RUBCN: variants seen among roughly 807,000 people sequenced by gnomAD.
RUBCN encodes run domain Beclin-1-interacting and cysteine-rich domain-containing protein.
A neutral mutation model predicts 113.2 loss-of-function variants in RUBCN; 74 were observed. The observed-to-expected ratio is 0.65, with a 90% confidence interval of 0.54 to 0.79. RUBCN has a LOEUF of 0.79. RUBCN is among the 30% of genes least tolerant of loss of function. The probability of loss-of-function intolerance (pLI) is 0.00; values close to 1 mark genes in which losing one functional copy is unlikely to be tolerated. For synonymous variants in RUBCN, 480 were observed against 490.0 expected (o/e 0.98, Z 0.27); for missense variants, 1,109 against 1,251.7 (o/e 0.89, Z 1.72).
chr3:197,734,856 C>T (rs905206578), intron 1 of RUBCN, among the ~76,000 whole-genome samples: 1 of 152,216 alleles, frequency 6.6e-6, no homozygotes, highest in African/African-American at 2.4e-5. Flanking sequence ...TGTTCAGTTT[C>T]ACTTAGCACA....
In RUBCN at chr3:197,671,573, A is replaced by G. The variant is rs572913137; in HGVS notation, c.*3445T>C. 5 of 152,342 alleles carry G rather than the reference A, an allele frequency of 3.3e-5. No individual in the cohort carries two copies. In the East Asian group the frequency reaches 9.6e-4, roughly 29 times the overall value. The allele number at this position is 152,342 out of a possible 1,614,324, so 9.4% of individuals were successfully genotyped here. A position where few individuals can be genotyped will look rare whatever the true frequency, so the allele number is the denominator to read the frequency against. On this transcript the variant is annotated 3_prime_UTR_variant, in exon 20 of 20. Coordinates refer to ENST00000296343, the MANE Select transcript of RUBCN (RefSeq NM_014687.4). Reference sequence around the variant, plus strand: ...GACTAATGGTTAGGTTTTTGGAAATACGGAATTTATGCTGGTTTTAGACAC... The same window carrying G: ...GACTAATGGTTAGGTTTTTGGAAATGCGGAATTTATGCTGGTTTTAGACAC...
At chr3:197,695,682 C>T (rs1722923128) in intron 9 of RUBCN, among the ~76,000 whole-genome samples, 184 bp downstream of exon 9, 1 of 152,202 alleles carries the variant, frequency 6.6e-6, no homozygotes, top group Non-Finnish European at 1.5e-5. Flanking sequence ...ATAATTTGGA[C>T]TCAGTGAGGG....
upstream of RUBCN, among the ~76,000 whole-genome samples, chr3:197,740,496 T>C (rs909657722): frequency 1.3e-5 from 2 of 152,048 alleles, no homozygotes; most frequent in Non-Finnish European, 2.9e-5. Context: ...AAAAGAAATT[T>C]TGTAGTATAA....
chr3:197,730,527 C>T (rs1490531586), intron 1 of RUBCN, among the ~76,000 whole-genome samples: 1 of 151,694 alleles, frequency 6.6e-6, no homozygotes, highest in Non-Finnish European at 1.5e-5. Flanking sequence ...TTAATTTGAA[C>T]ACCCATATTT....
At chr3:197,695,608 A>G (rs747662837) in intron 9 of RUBCN, among the ~76,000 whole-genome samples, 19 of 152,184 alleles carry the variant, frequency 1.2e-4, no homozygotes, top group Non-Finnish European at 1.5e-5. Flanking sequence ...TCTCAAAAAA[A>G]CAAAAACACA....
intron 17 of RUBCN, 24 bp from the exon 18 acceptor site, chr3:197,677,062 G>C (rs748449731): frequency 7.5e-6 from 12 of 1,609,088 alleles, no homozygotes; most frequent in Non-Finnish European, 1.0e-5. Context: ...CAGGAGGCAG[G>C]TGAGGGAATG....
chr3:197,735,327 A>C (rs1727995381), intron 1 of RUBCN, among the ~76,000 whole-genome samples: 1 of 152,224 alleles, frequency 6.6e-6, no homozygotes, highest in African/African-American at 2.4e-5. Context: ...TGAGCCCAAG[A>C]GTTGGAGGCT....
upstream of RUBCN, chr3:197,736,948 C>G (rs1356195068): frequency 1.5e-6 from 2 of 1,318,302 alleles, no homozygotes; most frequent in South Asian, 2.0e-5. Context: ...GCGAGCACTC[C>G]GAGGCTAGGC....
chr3:197,736,937 G>A (rs899039870), upstream of RUBCN: 2 of 1,340,210 alleles, frequency 1.5e-6, no homozygotes, highest in Non-Finnish European at 1.9e-6. Context: ...TACAGCCCCC[G>A]GCGAGCACTC....
rs559163200 is a variant in RUBCN at position 197,703,762 on chromosome 3, G to A, written c.464-108C>T. 4.4e-5 allele frequency: 32 copies of A among 735,012 alleles called. No individual in the cohort carries two copies. In the South Asian group the frequency reaches 4.4e-4, roughly 10 times the overall value. The allele number at this position is 735,012 out of a possible 1,614,324, so 45.5% of individuals were successfully genotyped here. On this transcript the variant is annotated intron_variant, in intron 4 of 19. Coordinates refer to ENST00000296343, the MANE Select transcript of RUBCN (RefSeq NM_014687.4). ...AAGGATGAATGAGGAGGAGGGTGAA[G>A]GCAGATCAGAAACAAAGTAGAGGAG...
Position 197,674,501 on chromosome 3 carries a change from G to A in RUBCN, c.*517C>T, listed in dbSNP as rs182056447. 84 of 499,962 alleles carry A rather than the reference G, an allele frequency of 1.7e-4. No individual in the cohort carries two copies. In the East Asian group the frequency reaches 2.7e-3, roughly 16 times the overall value. 31.0% of individuals were successfully genotyped at this position (499,962 alleles called of 1,614,324 possible). On this transcript the variant is annotated 3_prime_UTR_variant, in exon 20 of 20. Coordinates refer to ENST00000296343, the MANE Select transcript of RUBCN (RefSeq NM_014687.4). ...AATAAGTGGACGAAATGCCCATGAC[G>A]TAGTCCTATTCTCTGCTGCTTCTCC...
rs549857854 is a variant in RUBCN at position 197,731,854 on chromosome 3, C to T, written c.65+4801G>A. 3.3e-5 allele frequency among the ~76,000 whole-genome samples: 5 copies of T among 152,386 alleles called. No individual in the cohort carries two copies. The East Asian group carries it at 7.7e-4, about 24-fold the overall frequency. ...CGGCTGGCCGGGCAGAGTGGCTCCTCACTTCCCAGTCACCCTAGATTTTTT... is the reference window on the plus strand; with the variant it reads ...CGGCTGGCCGGGCAGAGTGGCTCCTTACTTCCCAGTCACCCTAGATTTTTT... On this transcript the variant is annotated intron_variant, in intron 1 of 19. Coordinates refer to ENST00000296343, the MANE Select transcript of RUBCN (RefSeq NM_014687.4).
chr3:197,713,934 G>T (rs142679505), intron 2 of RUBCN, among the ~76,000 whole-genome samples: 1,673 of 151,984 alleles, frequency 0.011, 19 homozygotes, highest in African/African-American at 0.039. Context: ...AAAATTAGCC[G>T]GGCGTGGTGG....
chr3:197,701,031 A>T lies in RUBCN; in HGVS notation c.843T>A (p.Ser281=), dbSNP rs61743909. The T allele has an allele frequency of 2.4e-4, 392 of 1,614,134 alleles. No homozygotes were observed. The African/African-American group carries it at 4.3e-3, about 18-fold the overall frequency. The change falls in exon 7 of 20, where the codon TCT becomes TCA. Residue 281 remains serine (S), a synonymous_variant. Coordinates refer to ENST00000296343, the MANE Select transcript of RUBCN (RefSeq NM_014687.4). ...QTIQAPPVSV[S]ALARDSPLTP... is the part of the protein sequence containing the mutation. ...TCAAAGGGGAATCCCTGGCTAGTGC[A>T]GAGACTGAAACTGGGGGGGCTTGGA...
intron 10 of RUBCN, 170 bp downstream of exon 10, chr3:197,694,205 T>C: frequency 6.6e-6 from 5 of 755,430 alleles, no homozygotes; most frequent in Non-Finnish European, 9.4e-6. Flanking sequence ...AGGCAGGTAT[T>C]TCTGATGCAG....
chr3:197,697,902 T>G (rs936604489), intron 7 of RUBCN, among the ~76,000 whole-genome samples: 1 of 152,238 alleles, frequency 6.6e-6, no homozygotes, highest in Non-Finnish European at 1.5e-5. Context: ...AATGCTACTC[T>G]GTGCAAGAGA....
rs1720153257 is a variant in RUBCN, at chr3:197,674,846, A to T, written c.*172T>A. The T allele has an allele frequency of 3.4e-5, 20 of 586,870 alleles. No individual in the cohort carries two copies. In the South Asian group the frequency reaches 5.0e-4, roughly 15 times the overall value. 36.4% of individuals were successfully genotyped at this position (586,870 alleles called of 1,614,324 possible). A position where few individuals can be genotyped will look rare whatever the true frequency, so the allele number is the denominator to read the frequency against. On this transcript the variant is annotated 3_prime_UTR_variant, in exon 20 of 20. Transcript: ENST00000296343. ...AGACTCTGGACCCATCAACCTGCCG[A>T]CGGCTGACTGCACACAGACGTCAGA...
intron 16 of RUBCN, among the ~76,000 whole-genome samples, chr3:197,679,621 C>A (rs1301936663): frequency 6.8e-6 from 1 of 147,686 alleles, no homozygotes; most frequent in Non-Finnish European, 1.5e-5. Context: ...CAACTGGCTT[C>A]AGACTGTCCT....
Position 197,670,556 on chromosome 3 carries a change from G to A in RUBCN, c.*4462C>T, listed in dbSNP as rs1488422231. On this transcript the variant is annotated 3_prime_UTR_variant, in exon 20 of 20. Coordinates refer to ENST00000296343, the MANE Select transcript of RUBCN (RefSeq NM_014687.4). The stretch of plus-strand genomic sequence containing the variant: ...GGCTTCCTGTGAACTACACCAGTTT[G>A]TAACAATGAACAAAAGGGCCTTAGA... Among the ~76,000 whole-genome samples the A allele has an allele frequency of 1.3e-5, 2 of 152,184 alleles. No individual in the cohort carries two copies. Among genetic ancestry groups the A allele is most frequent in the Non-Finnish European group, 2.9e-5 (2 of 68,032 alleles).
Sources: allele counts gnomAD v4.1 joint callset (sites outside exome capture counted in the v4.1 genomes callset), GRCh38; gene constraint gnomAD v4.1.1; transcripts MANE v1.5; gene names NCBI Gene and HGNC (gene_info 2026-07-23, HGNC 2026-07-21).